The following IQGAP1 variants were observed in gnomAD, a reference collection of about 807,000 sequenced individuals.
IQGAP1 encodes ras GTPase-activating-like protein IQGAP1.
A neutral mutation model predicts 215.6 loss-of-function variants in IQGAP1; 66 were observed. That is an observed-to-expected ratio of 0.31 (90% CI 0.25 to 0.38). IQGAP1 has a LOEUF of 0.38. Ranked by LOEUF, IQGAP1 falls within the 10% of genes least tolerant of loss-of-function variation. The pLI is 1.00. For missense variants in IQGAP1, 1,712 were observed against 1,997.1 expected (o/e 0.86, Z 2.72); for synonymous variants, 772 against 728.7 (o/e 1.06, Z -0.96).
In IQGAP1 at chr15:90,441,490, TTG is replaced by T; in HGVS notation, c.650-14_650-13del. The T allele has an allele frequency of 2.5e-6, 4 of 1,597,134 alleles. No individual in the cohort carries two copies. In the African/African-American group the frequency reaches 5.5e-5, roughly 22 times the overall value. ...TCAGTGTTTTTGTTGGTTTGTTTTT[TTG>T]TTTTTTTTTTTAGTACATGCTGCTG... On this transcript the variant is annotated splice_polypyrimidine_tract_variant and intron_variant, in intron 7 of 37. Coordinates refer to ENST00000268182, the MANE Select transcript of IQGAP1 (RefSeq NM_003870.4).
intron 11 of IQGAP1, among the ~76,000 whole-genome samples, chr15:90,450,086 T>A (rs1965580678): frequency 6.6e-6 from 1 of 152,206 alleles, no homozygotes; most frequent in Non-Finnish European, 1.5e-5. Flanking sequence ...ACACTAGACC[T>A]ATTCCTTGTA....
chr15:90,429,260 A>G (rs1354011896), intron 3 of IQGAP1, among the ~76,000 whole-genome samples: 1 of 152,246 alleles, frequency 6.6e-6, no homozygotes, highest in Non-Finnish European at 1.5e-5. Context: ...CAGCTGTTCT[A>G]GATGGTAAAA....
At chr15:90,402,196 C>A (rs758044169) in intron 2 of IQGAP1, among the ~76,000 whole-genome samples, 4 of 152,338 alleles carry the variant, frequency 2.6e-5, no homozygotes, top group African/African-American at 7.2e-5. Context: ...TTGTGTCTAA[C>A]TAGCTTGTTG....
rs869037347 is a variant in IQGAP1, at chr15:90,450,330, C to CTT, written c.1162+719_1162+720dup. ...ATATTCCATTATGTGTATACACTAC[C>CTT]TTTTTTTTTTTTTTTTTTTTTTTTT... is the stretch of plus-strand genomic sequence containing the variant. On this transcript the variant is annotated intron_variant, in intron 11 of 37. Coordinates refer to ENST00000268182, the MANE Select transcript of IQGAP1 (RefSeq NM_003870.4). 9.2e-3 allele frequency among the ~76,000 whole-genome samples: 501 copies of CTT among 54,412 alleles called. 9 individuals are homozygous for CTT. The highest frequency in any genetic ancestry group is 0.012 in the Non-Finnish European group (367 of 31,366). The allele number at this position is 54,412 out of a possible 152,430, so 35.7% of individuals were successfully genotyped here.
intron 10 of IQGAP1, among the ~76,000 whole-genome samples, chr15:90,449,303 T>C (rs1474340481): frequency 6.6e-6 from 1 of 152,220 alleles, no homozygotes; most frequent in African/African-American, 2.4e-5. Flanking sequence ...ACAAACACTT[T>C]TTCCTTAGAA....
In IQGAP1 at chr15:90,474,173, T is replaced by C. The variant is rs1395286430; in HGVS notation, c.2575+40T>C. On this transcript the variant is annotated intron_variant, in intron 22 of 37. Coordinates refer to ENST00000268182, the MANE Select transcript of IQGAP1 (RefSeq NM_003870.4). ...CCGCATGAAGAGTTGAGGCAGTGGC[T>C]GGGAGCCACCAAGTTCAGGGTATTC... is the stretch of plus-strand genomic sequence containing the variant. 9 of 1,545,390 alleles carry C rather than the reference T, an allele frequency of 5.8e-6. No homozygotes were observed. The Admixed American group carries it at 1.5e-4, about 26-fold the overall frequency.
intron 2 of IQGAP1, among the ~76,000 whole-genome samples, chr15:90,418,588 C>CA (rs34470688): frequency 1.9e-4 from 28 of 149,932 alleles, no homozygotes; most frequent in Middle Eastern, 3.4e-3. Context: ...GACACTGTCT[C>CA]AAAAAAAAAA....
chr15:90,488,647 AAGTTTCAGGAAAGAGGCC>A (rs1178467015), intron 33 of IQGAP1, among the ~76,000 whole-genome samples: 2 of 152,166 alleles, frequency 1.3e-5, no homozygotes, highest in Admixed American at 6.5e-5. Flanking sequence ...AAAATAAGAG[AAGTTTCAGGAAAGAGGCC>A]AGTGAAGCAG....
rs752666392 is a variant in IQGAP1, at chr15:90,441,505, G to A, written c.650-1G>A. The A allele has an allele frequency of 1.3e-6, 2 of 1,578,716 alleles. No homozygotes were observed. On this transcript the variant is annotated splice_acceptor_variant, in intron 7 of 37. Transcript: ENST00000268182. LOFTEE classifies it high-confidence loss of function. Reference sequence around the variant, plus strand: ...GTTTGTTTTTTTGTTTTTTTTTTTAGTACATGCTGCTGTTATTGCTATTAA... The same window carrying A: ...GTTTGTTTTTTTGTTTTTTTTTTTAATACATGCTGCTGTTATTGCTATTAA...
At chr15:90,403,872 A>G (rs12593606) in intron 2 of IQGAP1, among the ~76,000 whole-genome samples, 1 of 152,116 alleles carries the variant, frequency 6.6e-6, no homozygotes, top group Non-Finnish European at 1.5e-5. Flanking sequence ...ACAGGGTTTC[A>G]CCATGTTGGC....
intron 19 of IQGAP1, chr15:90,473,438 C>A: frequency 2.3e-6 from 1 of 438,584 alleles, no homozygotes; most frequent in East Asian, 4.5e-5. Flanking sequence ...TCTTCCTCAC[C>A]TGGTTTGTTG....
At position 90,491,435 on chromosome 15, in the gene IQGAP1, A is replaced by G; in HGVS notation, c.4351A>G (p.Thr1451Ala). The change falls in exon 34 of 38, where the codon ACT (threonine) becomes GCT (alanine). Residue 1451 changes from threonine (T) to alanine (A), a missense_variant. By Grantham distance (58) the Thr-to-Ala change is moderately conservative. Coordinates refer to ENST00000268182, the MANE Select transcript of IQGAP1 (RefSeq NM_003870.4). ...ATCTGTAAAGGAAGACAGCAACCTC[A>G]CTCTTCAAGAGAAGAAAGAGAAGAT... ...SKSVKEDSNL[T>A]LQEKKEKIQT... 2.5e-6 allele frequency: 4 copies of G among 1,613,890 alleles called. No homozygotes were observed. Among genetic ancestry groups the G allele is most frequent in the Non-Finnish European group, 3.4e-6 (4 of 1,179,788 alleles).
At chr15:90,391,125 C>T (rs1278559718) in intron 2 of IQGAP1, 1 of 330,612 alleles carries the variant, frequency 3.0e-6, no homozygotes, top group African/African-American at 2.1e-5. Flanking sequence ...GTAGTCCTAG[C>T]TACTCGGGAG....
At chr15:90,428,744 A>AGCCGATTGTGCCAGTGC (rs1965261619) in intron 3 of IQGAP1, among the ~76,000 whole-genome samples, 1 of 151,184 alleles carries the variant, frequency 6.6e-6, no homozygotes, top group Non-Finnish European at 1.5e-5. Context: ...TGTGCCAGTG[A>AGCCGATTGTGCCAGTGC]GCCGATTGTG....
chr15:90,495,609 T>G (rs1315698835), intron 36 of IQGAP1, among the ~76,000 whole-genome samples: 1 of 150,028 alleles, frequency 6.7e-6, no homozygotes, highest in Non-Finnish European at 1.5e-5. Flanking sequence ...TATATATAAA[T>G]ACATATATAT....
intron 36 of IQGAP1, among the ~76,000 whole-genome samples, chr15:90,496,306 C>CTTTTT (rs552222380): frequency 2.5e-4 from 26 of 106,108 alleles, no homozygotes; most frequent in African/African-American, 8.9e-4. Context: ...AGCATAATCC[C>CTTTTT]TTTTTTTTTT....
Position 90,490,054 on chromosome 15 carries a change from A to G in IQGAP1, c.4249-1279A>G, listed in dbSNP as rs75078454. Among the ~76,000 whole-genome samples the G allele has an allele frequency of 5.5e-3, 838 of 152,282 alleles. 5 individuals carry two copies. The highest frequency in any genetic ancestry group is 0.019 in the African/African-American group (803 of 41,540). On this transcript the variant is annotated intron_variant, in intron 33 of 37. Transcript: ENST00000268182. ...CATTATGTGATGCAGAGTAGTCTTG[A>G]CATTAGAAAAAAGGGGACTATTGGG...
rs1158039603 is a variant in IQGAP1 at position 90,497,294 on chromosome 15, C to T, written c.4814C>T (p.Ala1605Val). Reference sequence around the variant, plus strand: ...GAAGTTGGAGACTTCGAAGTGAAAGCCAAATTCATGGGAGTTCAAATGGAG... The same window carrying T: ...GAAGTTGGAGACTTCGAAGTGAAAGTCAAATTCATGGGAGTTCAAATGGAG... Reference protein sequence around the residue: ...TEEVGDFEVKAKFMGVQMETF... With the variant: ...TEEVGDFEVKVKFMGVQMETF... The change falls in exon 37 of 38, where the codon GCC (alanine) becomes GTC (valine). Residue 1605 changes from alanine to valine, a missense_variant. By Grantham distance (64) the Ala-to-Val change is moderately conservative. Transcript: ENST00000268182. 2 of 1,611,482 alleles carry T rather than the reference C, an allele frequency of 1.2e-6. No individual in the cohort carries two copies. The highest frequency in any genetic ancestry group is 2.2e-5 in the East Asian group (1 of 44,876).
chr15:90,409,120 C>T (rs1305586393), intron 2 of IQGAP1, among the ~76,000 whole-genome samples: 1 of 151,836 alleles, frequency 6.6e-6, no homozygotes, highest in African/African-American at 2.4e-5. Flanking sequence ...TTTCCTGCTG[C>T]TTCTTTCTCT....
Sources: gnomAD v4.1 joint callset for allele counts (sites outside exome capture counted in the v4.1 genomes callset) on GRCh38, gnomAD v4.1.1 for gene constraint, MANE v1.5 for transcripts, NCBI Gene and HGNC (gene_info 2026-07-23, HGNC 2026-07-21) for gene names.